ZNF462: variants seen among roughly 807,000 people sequenced by gnomAD.
ZNF462 encodes the protein zinc finger PBX1-interacting protein.
Under a neutral mutation model 201.9 loss-of-function variants are expected in ZNF462, and 10 were observed. The observed-to-expected ratio is 0.05, with a 90% CI of 0.03 to 0.08. The LOEUF (loss-of-function observed/expected upper bound fraction) is 0.08. Among genes scored for constraint, ZNF462 ranks in the 10% least tolerant of loss-of-function variants. ZNF462 has a pLI of 1.00. For synonymous variants in ZNF462, 1,227 were observed against 1,193.3 expected (o/e 1.03, Z -0.58); for missense variants, 2,523 against 3,168.3 (o/e 0.80, Z 4.89).
At chr9:106,867,936 C>T (rs1172097866) in intron 1 of ZNF462, among the ~76,000 whole-genome samples, 4 of 151,962 alleles carry the variant, frequency 2.6e-5, no homozygotes, top group Admixed American at 1.3e-4. Flanking sequence ...TTCATAATGC[C>T]GCAGTCACAA....
At chr9:106,864,452 G>A (rs970799600) in intron 1 of ZNF462, among the ~76,000 whole-genome samples, 1 of 152,050 alleles carries the variant, frequency 6.6e-6, no homozygotes, top group Admixed American at 6.6e-5. Context: ...AGCCGCAGCC[G>A]CCCCCCATTG....
In ZNF462 at chr9:106,917,324, C is replaced by T. The variant is rs1357051026; in HGVS notation, c.-30-6030C>T. On this transcript the variant is annotated intron_variant, in intron 1 of 12. Transcript: ENST00000277225. This position sits in a 1 kb window ranked among gnomAD's most constrained non-coding sequence, Gnocchi z 4.5. ...GAAAACTTTATGCAGGAGAGCGATC[C>T]TAAAATAAAAAGTAACCTGAAGGCT... is the stretch of plus-strand genomic sequence containing the variant. Among the ~76,000 whole-genome samples, 1 of 152,112 alleles carries T rather than the reference C, an allele frequency of 6.6e-6. No homozygotes were observed. The highest frequency in any genetic ancestry group is 1.5e-5 in the Non-Finnish European group (1 of 68,006).
rs7046019 is a variant in ZNF462, at chr9:106,916,572, G to C, written c.-30-6782G>C. Among the ~76,000 whole-genome samples the C allele has an allele frequency of 4.9e-3, 744 of 152,316 alleles. 7 individuals carry two copies. Among genetic ancestry groups the C allele is most frequent in the African/African-American group, 0.016 (671 of 41,564 alleles). On this transcript the variant is annotated intron_variant, in intron 1 of 12. Coordinates refer to ENST00000277225, the MANE Select transcript of ZNF462 (RefSeq NM_021224.6). ...CTGTTTGGGCGAGGTTTAGCTCTGG[G>C]GGGGGAGAAATCAGTTATCTGTTGT... is the stretch of plus-strand genomic sequence containing the variant.
At chr9:106,889,304 C>G (rs757722197) in intron 1 of ZNF462, among the ~76,000 whole-genome samples, 1 of 152,242 alleles carries the variant, frequency 6.6e-6, no homozygotes, top group Non-Finnish European at 1.5e-5. Flanking sequence ...TTTCCTGTCT[C>G]TCCTTCGCTG....
chr9:106,921,673 T>G (rs1829998505), intron 1 of ZNF462, among the ~76,000 whole-genome samples: 1 of 152,222 alleles, frequency 6.6e-6, no homozygotes, highest in Non-Finnish European at 1.5e-5. Context: ...GATCTGCTTT[T>G]TTCTGTGAAG....
At chr9:107,000,212 G>A (rs1412187364) in intron 10 of ZNF462, among the ~76,000 whole-genome samples, 1 of 151,944 alleles carries the variant, frequency 6.6e-6, no homozygotes, top group African/African-American at 2.4e-5. Flanking sequence ...CAGGGTGGTG[G>A]GAGCAAGGGG....
rs951825246 is a variant in ZNF462 at position 106,885,186 on chromosome 9, A to G, written c.-31+21831A>G. Among the ~76,000 whole-genome samples, 2 of 152,138 alleles carry G rather than the reference A, an allele frequency of 1.3e-5. No individual in the cohort carries two copies. The highest frequency in any genetic ancestry group is 2.4e-5 in the African/African-American group (1 of 41,430). On this transcript the variant is annotated intron_variant, in intron 1 of 12. Coordinates refer to ENST00000277225, the MANE Select transcript of ZNF462 (RefSeq NM_021224.6). This position sits in a 1 kb window ranked among gnomAD's most constrained non-coding sequence, Gnocchi z 4.1. ...TATTTATTTTCTTTACATGTTGTCT[A>G]CTCCTAAAACAACTATCACTACTAC... is the stretch of plus-strand genomic sequence containing the variant.
chr9:106,967,178 G>C (rs1002462749), intron 7 of ZNF462, among the ~76,000 whole-genome samples: 9 of 151,994 alleles, frequency 5.9e-5, no homozygotes, highest in Non-Finnish European at 1.3e-4. Flanking sequence ...GACATGGAGA[G>C]GCCTGTATTT....
chr9:106,994,868 C>T (rs1564160583), intron 10 of ZNF462, among the ~76,000 whole-genome samples: 1 of 152,144 alleles, frequency 6.6e-6, no homozygotes, highest in Non-Finnish European at 1.5e-5. Flanking sequence ...TTCCATAGAA[C>T]TTTTCTCTTT....
intron 7 of ZNF462, among the ~76,000 whole-genome samples, chr9:106,971,377 AC>A (rs1354382028): frequency 6.6e-5 from 10 of 150,440 alleles, no homozygotes; most frequent in Non-Finnish European, 1.0e-4. Flanking sequence ...AAAAAAAAAA[AC>A]AACAACAACA....
chr9:107,003,368 C>T lies in ZNF462; in HGVS notation c.7131C>T (p.Ser2377=), dbSNP rs1829334157. ...QLEQMKEKME[S]SSSDDEDKEE... The stretch of plus-strand genomic sequence containing the variant: ...AACAGATGAAGGAGAAAATGGAGAG[C>T]TCCAGCAGCGATGATGAGGACAAGG... The change falls in exon 11 of 13, where the codon AGC becomes AGT. Residue 2377 remains serine, a synonymous_variant. Transcript: ENST00000277225. The surrounding 1 kb of genome is among the most constrained non-coding windows in gnomAD (Gnocchi z 4.4). 2.5e-6 allele frequency: 4 copies of T among 1,613,860 alleles called. No homozygotes were observed.
At chr9:106,916,326 T>C (rs1464635572) in intron 1 of ZNF462, among the ~76,000 whole-genome samples, 1 of 152,216 alleles carries the variant, frequency 6.6e-6, no homozygotes, top group East Asian at 1.9e-4. Flanking sequence ...AAGTTCTCAA[T>C]TCATGTCTTG....
rs1313061328 is a variant in ZNF462 at position 106,966,719 on chromosome 9, T to C, written c.6428-5286T>C. Among the ~76,000 whole-genome samples, 1 of 152,234 alleles carries C rather than the reference T, an allele frequency of 6.6e-6. No individual in the cohort carries two copies. The highest frequency in any genetic ancestry group is 2.1e-4 in the South Asian group (1 of 4,826). On this transcript the variant is annotated intron_variant, in intron 7 of 12. Coordinates refer to ENST00000277225, the MANE Select transcript of ZNF462 (RefSeq NM_021224.6). The surrounding 1 kb of genome is among the most constrained non-coding windows in gnomAD (Gnocchi z 4.4). ...TATTTACTTAAATGCTCAGTAAATATTTGCTGAATGAATGGGTGTAATTGA... is the reference window on the plus strand; with the variant it reads ...TATTTACTTAAATGCTCAGTAAATACTTGCTGAATGAATGGGTGTAATTGA...
In ZNF462 at chr9:106,932,602, G is replaced by A. The variant is rs940352140; in HGVS notation, c.6116+53G>A. The A allele has an allele frequency of 6.2e-7, 1 of 1,611,996 alleles. No homozygotes were observed. Among genetic ancestry groups the A allele is most frequent in the Non-Finnish European group, 8.5e-7 (1 of 1,178,448 alleles). On this transcript the variant is annotated intron_variant, in intron 5 of 12. Transcript: ENST00000277225. The surrounding 1 kb of genome is among the most constrained non-coding windows in gnomAD (Gnocchi z 6.8). Reference sequence around the variant, plus strand: ...GTTACTGGGAGATGATGTCATAGTGGAAGGCACTAAGCTAAAGCAGAAGCT... The same window carrying A: ...GTTACTGGGAGATGATGTCATAGTGAAAGGCACTAAGCTAAAGCAGAAGCT...
At position 106,920,930 on chromosome 9, in the gene ZNF462, T is replaced by C. The variant is rs1829965102; in HGVS notation, c.-30-2424T>C. Among the ~76,000 whole-genome samples the C allele has an allele frequency of 6.6e-6, 1 of 152,204 alleles. No homozygotes were observed. Among genetic ancestry groups the C allele is most frequent in the Non-Finnish European group, 1.5e-5 (1 of 68,034 alleles). ...CATTATTTCTAAAGGCTTGAAGTTT[T>C]GAAGGGAAGAGATTTTGTTTTCCTC... On this transcript the variant is annotated intron_variant, in intron 1 of 12. Transcript: ENST00000277225. This position sits in a 1 kb window ranked among gnomAD's most constrained non-coding sequence, Gnocchi z 4.3.
At chr9:106,909,133 T>C (rs1829436375) in intron 1 of ZNF462, among the ~76,000 whole-genome samples, 1 of 150,302 alleles carries the variant, frequency 6.7e-6, no homozygotes, top group South Asian at 2.1e-4. Flanking sequence ...CTGGCTAATT[T>C]TTGTATTTTT....
rs1326707417 is a variant in ZNF462, at chr9:106,933,485, T to C, written c.6116+936T>C. ...TTCAAGAAGTATTTATTGAACAGCATCTATCACATTGTCTGACGCACAGTG... is the reference window on the plus strand; with the variant it reads ...TTCAAGAAGTATTTATTGAACAGCACCTATCACATTGTCTGACGCACAGTG... On this transcript the variant is annotated intron_variant, in intron 5 of 12. Coordinates refer to ENST00000277225, the MANE Select transcript of ZNF462 (RefSeq NM_021224.6). This position sits in a 1 kb window ranked among gnomAD's most constrained non-coding sequence, Gnocchi z 4.3. 1.3e-5 allele frequency among the ~76,000 whole-genome samples: 2 copies of C among 152,188 alleles called. No individual in the cohort carries two copies. The highest frequency in any genetic ancestry group is 4.8e-5 in the African/African-American group (2 of 41,448).
intron 1 of ZNF462, among the ~76,000 whole-genome samples, chr9:106,912,130 CGT>C (rs1482074543): frequency 1.3e-5 from 2 of 152,150 alleles, no homozygotes; most frequent in African/African-American, 4.8e-5. Context: ...TCCTAAGGCT[CGT>C]TCAGCTAGCC....
At position 106,933,224 on chromosome 9, in the gene ZNF462, A is replaced by G. The variant is rs1395216131; in HGVS notation, c.6116+675A>G. On this transcript the variant is annotated intron_variant, in intron 5 of 12. Transcript: ENST00000277225. The surrounding 1 kb of genome is among the most constrained non-coding windows in gnomAD (Gnocchi z 4.3). The stretch of plus-strand genomic sequence containing the variant: ...CAATAATGCGTTTGGACAGTCTTGG[A>G]TAAAGGTGACTAAGACTGACATGCT... 6.5e-6 allele frequency: 1 copy of G among 152,896 alleles called. No homozygotes were observed. The highest frequency in any genetic ancestry group is 1.5e-5 in the Non-Finnish European group (1 of 68,542). 9.5% of individuals were successfully genotyped at this position (152,896 alleles called of 1,614,324 possible).
Sources: allele counts gnomAD v4.1 joint callset (sites outside exome capture counted in the v4.1 genomes callset), GRCh38; gene constraint gnomAD v4.1.1; non-coding constraint Gnocchi (gnomAD v3.1); transcripts MANE v1.5; gene names NCBI Gene and HGNC (gene_info 2026-07-23, HGNC 2026-07-21).